MRPL17: variants seen among roughly 807,000 people sequenced by gnomAD.
The protein encoded by MRPL17 is mitochondrial ribosomal protein L17.
In MRPL17, 8 loss-of-function variants were observed where a neutral mutation model predicts 12.0. The ratio of observed to expected loss-of-function variants is 0.67; its 90% confidence interval spans 0.39 to 1.21. The LOEUF (loss-of-function observed/expected upper bound fraction) is 1.21. Ranked by LOEUF, MRPL17 falls within the 50% of genes most tolerant of loss-of-function variation. The pLI is 0.01. For missense variants in MRPL17, 263 were observed against 234.4 expected (o/e 1.12, Z -0.80); for synonymous variants, 107 against 92.9 (o/e 1.15, Z -0.87).
rs1036483322 is a variant in MRPL17, at chr11:6,682,667, T to G, written c.243+80A>C. The stretch of plus-strand genomic sequence containing the variant: ...CCATAAGTGAGTACCCAAGTTTAAT[T>G]CTGCATAGTTCTCCTTTTTCCAACC... On this transcript the variant is annotated intron_variant, in intron 2 of 2. Coordinates refer to ENST00000288937, the MANE Select transcript of MRPL17 (RefSeq NM_022061.4). 5 of 1,397,216 alleles carry G rather than the reference T, an allele frequency of 3.6e-6. No individual in the cohort carries two copies. In the Admixed American group the frequency reaches 5.1e-5, roughly 14 times the overall value. The allele number at this position is 1,397,216 out of a possible 1,614,324, so 86.6% of individuals were successfully genotyped here.
chr11:6,682,797 G>A lies in MRPL17; in HGVS notation c.193C>T (p.Leu65=). The A allele has an allele frequency of 6.2e-7, 1 of 1,614,104 alleles. No homozygotes were observed. The highest frequency in any genetic ancestry group is 1.1e-5 in the South Asian group (1 of 91,078). The change falls in exon 2 of 3, where the codon CTG becomes TTG. Residue 65 remains leucine (L), a synonymous_variant. Coordinates refer to ENST00000288937, the MANE Select transcript of MRPL17 (RefSeq NM_022061.4). The part of the protein sequence containing the change: ...YAEKLIDYGK[L]GDTNERAMRM... The stretch of plus-strand genomic sequence containing the variant: ...ATGGCTCGTTCGTTAGTGTCTCCCA[G>A]CTTCCCATAGTCGATGAGCTGTGAG...
rs1846588011 is a variant in MRPL17, at chr11:6,683,147, G to C, written c.150C>G (p.Asp50Glu). 1.2e-6 allele frequency: 2 copies of C among 1,614,040 alleles called. No homozygotes were observed. The highest frequency in any genetic ancestry group is 2.7e-5 in the African/African-American group (2 of 75,060). Reference sequence around the variant, plus strand: ...CCTTCTCCGCGTAGCCCCTCATTTCGTCCACACGCGCCCATGGTGCCTCGA... The same window carrying C: ...CCTTCTCCGCGTAGCCCCTCATTTCCTCCACACGCGCCCATGGTGCCTCGA... ...ERIEAPWARV[D>E]EMRGYAEKLI... The change falls in exon 1 of 3, where the codon GAC becomes GAG. Residue 50 changes from aspartate to glutamate, a missense_variant. Coordinates refer to ENST00000288937, the MANE Select transcript of MRPL17 (RefSeq NM_022061.4).
chr11:6,682,720 T>A (rs752953084), intron 2 of MRPL17, 27 bp downstream of exon 2: 1 of 1,612,156 alleles, frequency 6.2e-7, no homozygotes, highest in Non-Finnish European at 8.5e-7. Flanking sequence ...AAGGGTGGGA[T>A]TTTGAAGGCA....
chr11:6,683,310 G>A lies in MRPL17; in HGVS notation c.-14C>T, dbSNP rs1443624516. 3 of 1,605,576 alleles carry A rather than the reference G, an allele frequency of 1.9e-6. No homozygotes were observed. Among genetic ancestry groups the A allele is most frequent in the South Asian group, 2.2e-5 (2 of 90,470 alleles). On this transcript the variant is annotated 5_prime_UTR_variant, in exon 1 of 3. Transcript: ENST00000288937. The stretch of plus-strand genomic sequence containing the variant: ...CGACAGCCGCATGTTTCCAACTTCT[G>A]CCCGCCCCTTGGAGGCCGGAACTGG...
At position 6,682,743 on chromosome 11, in the gene MRPL17, T is replaced by C. The variant is rs751080155; in HGVS notation, c.243+4A>G. 6.2e-7 allele frequency: 1 copy of C among 1,614,102 alleles called. No homozygotes were observed. Among genetic ancestry groups the C allele is most frequent in the African/African-American group, 1.3e-5 (1 of 75,056 alleles). ...GATTTTGAAGGCAGATAGGTCGCAC[T>C]CACTGTGAGCCAGAAGTCAGCCATG... On this transcript the variant is annotated splice_donor_region_variant and intron_variant, in intron 2 of 2. Coordinates refer to ENST00000288937, the MANE Select transcript of MRPL17 (RefSeq NM_022061.4).
Position 6,682,276 on chromosome 11 carries a change from C to A in MRPL17, c.370G>T (p.Glu124Ter). Residue 124 changes from glutamate (E) to a stop codon, truncating the protein, a stop_gained, in exon 3 of 3, where the codon GAG (glutamate) becomes TAG (stop). Coordinates refer to ENST00000288937, the MANE Select transcript of MRPL17 (RefSeq NM_022061.4). LOFTEE classifies it high-confidence loss of function. ...GGTGGGAGGCAATTCCCTTTATACTCGATCACTGCCATCTTGGCCCGATCC... is the reference window on the plus strand; with the variant it reads ...GGTGGGAGGCAATTCCCTTTATACTAGATCACTGCCATCTTGGCCCGATCC... ...SLDRAKMAVI[E>*]YKGNCLPPLP... 5.6e-6 allele frequency: 9 copies of A among 1,614,142 alleles called. No homozygotes were observed. Among genetic ancestry groups the A allele is most frequent in the Non-Finnish European group, 6.8e-6 (8 of 1,180,028 alleles).
In MRPL17 at chr11:6,680,977, AGCCATGTCT is replaced by A. The variant is rs1846557846; in HGVS notation, c.*1132_*1140del. On this transcript the variant is annotated 3_prime_UTR_variant, in exon 3 of 3. Transcript: ENST00000288937. ...CCAGAATAGTTCGTTCTGTCACTGA[AGCCATGTCT>A]GCTACACCAGTGATCCCTTTACCCT... 1 of 152,226 alleles carries A rather than the reference AGCCATGTCT, an allele frequency of 6.6e-6. No individual in the cohort carries two copies. Among genetic ancestry groups the A allele is most frequent in the African/African-American group, 2.4e-5 (1 of 41,438 alleles). The allele number at this position is 152,226 out of a possible 1,614,324, so 9.4% of individuals were successfully genotyped here.
In MRPL17 at chr11:6,680,549, C is replaced by T. The variant is rs1435501272; in HGVS notation, c.*1569G>A. 6.6e-6 allele frequency among the ~76,000 whole-genome samples: 1 copy of T among 152,180 alleles called. No homozygotes were observed. The highest frequency in any genetic ancestry group is 1.5e-5 in the Non-Finnish European group (1 of 68,040). On this transcript the variant is annotated 3_prime_UTR_variant, in exon 3 of 3. Transcript: ENST00000288937. The stretch of plus-strand genomic sequence containing the variant: ...CTTCTGCCTAAATTGATGCTGGGAA[C>T]TAGCAGATGCTCAAAAAGCATGTAG...
rs1339071042 is a variant in MRPL17, at chr11:6,682,398, T to G, written c.248A>C (p.Lys83Thr). Residue 83 changes from lysine to threonine, a missense_variant, in exon 3 of 3, where the codon AAG becomes ACG. Lys to Thr is a moderately conservative substitution (Grantham distance 78, BLOSUM62 -1). Coordinates refer to ENST00000288937, the MANE Select transcript of MRPL17 (RefSeq NM_022061.4). ...MRMADFWLTE[K>T]DLIPKLFQVL... ...TTGAAACAGCTTTGGGATCAAATCCTTCTCCTAGAGGGAGAATTATCCAAG... is the reference window on the plus strand; with the variant it reads ...TTGAAACAGCTTTGGGATCAAATCCGTCTCCTAGAGGGAGAATTATCCAAG... 6.2e-7 allele frequency: 1 copy of G among 1,613,012 alleles called. No homozygotes were observed. Among genetic ancestry groups the G allele is most frequent in the Non-Finnish European group, 8.5e-7 (1 of 1,179,056 alleles).
Position 6,683,158 on chromosome 11 carries a change from C to T in MRPL17, c.139G>A (p.Ala47Thr), listed in dbSNP as rs766916090. The stretch of plus-strand genomic sequence containing the variant: ...TAGCCCCTCATTTCGTCCACACGCG[C>T]CCATGGTGCCTCGATGCGTTCGTGC... Reference protein sequence around the residue: ...VRHERIEAPWARVDEMRGYAE... With the variant: ...VRHERIEAPWTRVDEMRGYAE... The change falls in exon 1 of 3, where the codon GCG becomes ACG. Residue 47 changes from alanine (A) to threonine (T), a missense_variant. Physicochemically the swap from Ala to Thr is moderately conservative, Grantham distance 58. Transcript: ENST00000288937. 14 of 1,614,004 alleles carry T rather than the reference C, an allele frequency of 8.7e-6. No individual in the cohort carries two copies. In the Admixed American group the frequency reaches 2.0e-4, roughly 23 times the overall value.
chr11:6,682,473 C>T (rs1361836559), intron 2 of MRPL17, 71 bp from the exon 3 acceptor site: 2 of 1,524,066 alleles, frequency 1.3e-6, no homozygotes, highest in African/African-American at 2.7e-5. Flanking sequence ...TTACACCATT[C>T]CCAAAGGTAA....
At position 6,682,393 on chromosome 11, in the gene MRPL17, A is replaced by T; in HGVS notation, c.253T>A (p.Leu85Met). 1 of 1,613,206 alleles carries T rather than the reference A, an allele frequency of 6.2e-7. No individual in the cohort carries two copies. The highest frequency in any genetic ancestry group is 1.7e-5 in the Admixed American group (1 of 60,002). Residue 85 changes from leucine (L) to methionine (M), a missense_variant, in exon 3 of 3, where the codon TTG (leucine) becomes ATG (methionine). Transcript: ENST00000288937. ...AGTACTTGAAACAGCTTTGGGATCA[A>T]ATCCTTCTCCTAGAGGGAGAATTAT... ...MADFWLTEKDLIPKLFQVLAP... is the reference protein window; with the variant it reads ...MADFWLTEKDMIPKLFQVLAP...
In MRPL17 at chr11:6,683,204, G is replaced by C. The variant is rs1846589035; in HGVS notation, c.93C>G (p.Asn31Lys). The C allele has an allele frequency of 6.2e-7, 1 of 1,614,192 alleles. No homozygotes were observed. Among genetic ancestry groups the C allele is most frequent in the Non-Finnish European group, 8.5e-7 (1 of 1,180,036 alleles). ...CGTGCCGCACCAGCCCTGTGAGCAAGTTCCGCAACAGATGGATGCGGGACT... is the reference window on the plus strand; with the variant it reads ...CGTGCCGCACCAGCCCTGTGAGCAACTTCCGCAACAGATGGATGCGGGACT... Reference protein sequence around the residue: ...GPESRIHLLRNLLTGLVRHER... With the variant: ...GPESRIHLLRKLLTGLVRHER... The change falls in exon 1 of 3, where the codon AAC (asparagine) becomes AAG (lysine). Residue 31 changes from asparagine to lysine, a missense_variant. Asn to Lys is a moderately conservative substitution (Grantham distance 94). Transcript: ENST00000288937.
chr11:6,682,700 C>A (rs762809134), intron 2 of MRPL17, 47 bp downstream of exon 2: 1 of 1,576,542 alleles, frequency 6.3e-7, no homozygotes, highest in Admixed American at 1.7e-5. Flanking sequence ...ACCCCCACCC[C>A]CAGGGAGCAA....
At position 6,680,803 on chromosome 11, in the gene MRPL17, A is replaced by C. The variant is rs994931273; in HGVS notation, c.*1315T>G. 2 of 152,288 alleles carry C rather than the reference A, an allele frequency of 1.3e-5. No individual in the cohort carries two copies. Among genetic ancestry groups the C allele is most frequent in the African/African-American group, 4.8e-5 (2 of 41,566 alleles). 9.4% of individuals were successfully genotyped at this position (152,288 alleles called of 1,614,324 possible). ...AGCAGAGTTGTAGCTTTATTTCATA[A>C]ATGTTTTGAGTGTCTACTATATTTC... On this transcript the variant is annotated 3_prime_UTR_variant, in exon 3 of 3. Transcript: ENST00000288937.
Position 6,683,171 on chromosome 11 carries a change from G to A in MRPL17, c.126C>T (p.Ile42=). 2 of 1,614,150 alleles carry A rather than the reference G, an allele frequency of 1.2e-6. No homozygotes were observed. The highest frequency in any genetic ancestry group is 1.7e-6 in the Non-Finnish European group (2 of 1,180,048). The change falls in exon 1 of 3, where the codon ATC becomes ATT. Residue 42 remains isoleucine (I), a synonymous_variant. Transcript: ENST00000288937. ...LLTGLVRHER[I]EAPWARVDEM... ...CGTCCACACGCGCCCATGGTGCCTC[G>A]ATGCGTTCGTGCCGCACCAGCCCTG... is the stretch of plus-strand genomic sequence containing the variant.
Position 6,681,939 on chromosome 11 carries a change from A to G in MRPL17, c.*179T>C. The G allele has an allele frequency of 9.5e-6, 4 of 421,186 alleles. No individual in the cohort carries two copies. The highest frequency in any genetic ancestry group is 6.2e-4 in the Middle Eastern group (1 of 1,602). 26.1% of individuals were successfully genotyped at this position (421,186 alleles called of 1,614,324 possible). A position where few individuals can be genotyped will look rare whatever the true frequency, so the allele number is the denominator to read the frequency against. On this transcript the variant is annotated 3_prime_UTR_variant, in exon 3 of 3. Transcript: ENST00000288937. Reference sequence around the variant, plus strand: ...AAAATAAATAAATTTATATATATTCATATAAAGACTTTTATCTATTGTGCA... The same window carrying G: ...AAAATAAATAAATTTATATATATTCGTATAAAGACTTTTATCTATTGTGCA...
chr11:6,683,013 C>CA, intron 1 of MRPL17, 110 bp downstream of exon 1: 1 of 1,460,052 alleles, frequency 6.8e-7, no homozygotes, highest in Non-Finnish European at 9.3e-7. Flanking sequence ...CTGGGGGACT[C>CA]AGACTTGGGG....
rs776511731 is a variant in MRPL17 at position 6,683,128 on chromosome 11, C to T, written c.169G>A (p.Glu57Lys). The change falls in exon 1 of 3, where the codon GAG becomes AAG. Residue 57 changes from glutamate to lysine, a missense_variant. Coordinates refer to ENST00000288937, the MANE Select transcript of MRPL17 (RefSeq NM_022061.4). ...ARVDEMRGYA[E>K]KLIDYGKLGD... ...AAGAGGGCCGCGCTCCTCACCTTCTCCGCGTAGCCCCTCATTTCGTCCACA... is the reference window on the plus strand; with the variant it reads ...AAGAGGGCCGCGCTCCTCACCTTCTTCGCGTAGCCCCTCATTTCGTCCACA... 1.9e-6 allele frequency: 3 copies of T among 1,613,448 alleles called. No individual in the cohort carries two copies. Among genetic ancestry groups the T allele is most frequent in the Non-Finnish European group, 2.5e-6 (3 of 1,179,746 alleles).
Sources: gnomAD v4.1 joint callset for allele counts (sites outside exome capture counted in the v4.1 genomes callset) on GRCh38, gnomAD v4.1.1 for gene constraint, MANE v1.5 for transcripts, NCBI Gene and HGNC (gene_info 2026-07-23, HGNC 2026-07-21) for gene names.